The following GPC5 variants were observed in gnomAD, a reference collection of about 807,000 sequenced individuals.
GPC5 encodes the protein glypican 5.
GPC5 carries 47 observed loss-of-function variants against 53.9 expected under a neutral mutation model. The ratio of observed to expected loss-of-function variants is 0.87; its 90% CI spans 0.69 to 1.11. GPC5 has a LOEUF of 1.11. GPC5 is among the 50% of genes most tolerant of loss of function. The probability of loss-of-function intolerance (pLI) is 0.00; values close to 1 mark genes in which losing one functional copy is unlikely to be tolerated. For synonymous variants in GPC5, 286 were observed against 263.3 expected (o/e 1.09, Z -0.84); for missense variants, 748 against 713.1 (o/e 1.05, Z -0.56).
chr13:92,093,495 TG>T (rs1171702166), intron 6 of GPC5, among the ~76,000 whole-genome samples: 1 of 152,180 alleles, frequency 6.6e-6, no homozygotes, highest in East Asian at 1.9e-4. Context: ...GCAAATGTGT[TG>T]GATTTTCTTT....
chr13:92,696,618 T>C (rs879605102), intron 7 of GPC5, among the ~76,000 whole-genome samples: 2 of 152,210 alleles, frequency 1.3e-5, no homozygotes, highest in African/African-American at 4.8e-5. Context: ...GTTGGATAGA[T>C]TGCAAAAATT....
intron 7 of GPC5, among the ~76,000 whole-genome samples, chr13:92,626,499 A>G (rs2139123639): frequency 6.6e-6 from 1 of 152,284 alleles, no homozygotes; most frequent in Admixed American, 6.5e-5. Context: ...ATAGAAAGAG[A>G]TGTCTAAAGA....
intron 7 of GPC5, among the ~76,000 whole-genome samples, chr13:92,396,576 T>C (rs1875287805): frequency 6.6e-6 from 1 of 152,226 alleles, no homozygotes; most frequent in South Asian, 2.1e-4. Context: ...GCGTGCAGCC[T>C]TGTTACATAG....
intron 7 of GPC5, among the ~76,000 whole-genome samples, chr13:92,274,981 T>C (rs1485154291): frequency 6.6e-6 from 1 of 152,090 alleles, no homozygotes; most frequent in East Asian, 1.9e-4. Context: ...AATTCATTAA[T>C]GAATATATGA....
chr13:92,568,360 A>G (rs1300867367), intron 7 of GPC5, among the ~76,000 whole-genome samples: 1 of 152,208 alleles, frequency 6.6e-6, no homozygotes, highest in Non-Finnish European at 1.5e-5. Context: ...TTATTTGCAT[A>G]AAACTAAAAG....
intron 7 of GPC5, among the ~76,000 whole-genome samples, chr13:92,218,235 C>A (rs2042425054): frequency 6.6e-6 from 1 of 152,060 alleles, no homozygotes; most frequent in Non-Finnish European, 1.5e-5. Flanking sequence ...TTATACCAAA[C>A]AGAAATTGAC....
At chr13:92,819,906 T>C (rs183058721) in intron 7 of GPC5, among the ~76,000 whole-genome samples, 1 of 152,290 alleles carries the variant, frequency 6.6e-6, no homozygotes, top group East Asian at 1.9e-4. Context: ...AAAAAAAATA[T>C]TTTTTTCTGA....
intron 7 of GPC5, among the ~76,000 whole-genome samples, chr13:92,361,381 T>G (rs1330782024): frequency 6.6e-6 from 1 of 151,740 alleles, no homozygotes; most frequent in Non-Finnish European, 1.5e-5. Flanking sequence ...TGTCACTGAC[T>G]TGGCCTCCTA....
At chr13:92,338,759 G>A (rs2043342863) in intron 7 of GPC5, among the ~76,000 whole-genome samples, 1 of 152,084 alleles carries the variant, frequency 6.6e-6, no homozygotes, top group Admixed American at 6.6e-5. Flanking sequence ...GAAAGATGGA[G>A]CACAGATGAT....
chr13:91,760,582 A>G (rs2037389380), intron 5 of GPC5, among the ~76,000 whole-genome samples: 1 of 152,174 alleles, frequency 6.6e-6, no homozygotes, highest in Non-Finnish European at 1.5e-5. Context: ...TTGGTGGCCA[A>G]GATTAAGTCT....
chr13:92,106,598 T>C (rs1283781125), intron 6 of GPC5, among the ~76,000 whole-genome samples: 1 of 152,068 alleles, frequency 6.6e-6, no homozygotes, highest in African/African-American at 2.4e-5. Flanking sequence ...ATGGAAGAGT[T>C]AACAAGGATA....
intron 5 of GPC5, among the ~76,000 whole-genome samples, chr13:91,840,362 A>C (rs2038771091): frequency 6.6e-6 from 1 of 152,108 alleles, no homozygotes. Flanking sequence ...TGAATTAATG[A>C]AAGTATATGT....
At chr13:92,119,606 G>T (rs2041631849) in intron 6 of GPC5, among the ~76,000 whole-genome samples, 1 of 107,718 alleles carries the variant, frequency 9.3e-6, no homozygotes, top group Non-Finnish European at 1.8e-5. Flanking sequence ...ATTTTTAGTA[G>T]AGACGGGGTT....
chr13:91,479,870 A>G (rs889139642), intron 2 of GPC5, among the ~76,000 whole-genome samples: 1 of 152,174 alleles, frequency 6.6e-6, no homozygotes, highest in African/African-American at 2.4e-5. Flanking sequence ...TTTCCGTGGC[A>G]CTTAATATTC....
chr13:92,386,084 G>A (rs557256123), intron 7 of GPC5, among the ~76,000 whole-genome samples: 1 of 151,954 alleles, frequency 6.6e-6, no homozygotes, highest in Non-Finnish European at 1.5e-5. Flanking sequence ...AACCTAGCAA[G>A]ACATAGTTTC....
At chr13:92,097,267 C>A (rs998679086) in intron 6 of GPC5, among the ~76,000 whole-genome samples, 1 of 152,116 alleles carries the variant, frequency 6.6e-6, no homozygotes, top group Admixed American at 6.5e-5. Flanking sequence ...TGTTGAAGGT[C>A]CAGCCTTGTT....
At chr13:92,546,156 C>T (rs1298717759) in intron 7 of GPC5, among the ~76,000 whole-genome samples, 1 of 152,104 alleles carries the variant, frequency 6.6e-6, no homozygotes. Flanking sequence ...GTTGGAAGTT[C>T]TGGCCAGGGC....
chr13:91,738,202 A>T lies in GPC5; in HGVS notation c.1154+9537A>T, dbSNP rs1026329879. Among the ~76,000 whole-genome samples, 10 of 151,486 alleles carry T rather than the reference A, an allele frequency of 6.6e-5. 2 individuals carry two copies. Among genetic ancestry groups the T allele is most frequent in the African/African-American group, 2.5e-4 (10 of 40,784 alleles). ...CTTTACTAAGGAAAATTTTCTTTAT[A>T]GATGTAAACTTCTTTTACAAAAGAG... On this transcript the variant is annotated intron_variant, in intron 4 of 7. Coordinates refer to ENST00000377067, the MANE Select transcript of GPC5 (RefSeq NM_004466.6).
intron 6 of GPC5, among the ~76,000 whole-genome samples, chr13:92,072,740 A>AT (rs2041223341): frequency 6.6e-6 from 1 of 151,002 alleles, no homozygotes; most frequent in South Asian, 2.1e-4. Flanking sequence ...CACCCAGTTA[A>AT]TTTTTTTATT....
Sources: allele counts gnomAD v4.1 joint callset (sites outside exome capture counted in the v4.1 genomes callset), GRCh38; gene constraint gnomAD v4.1.1; transcripts MANE v1.5; gene names NCBI Gene and HGNC (gene_info 2026-07-23, HGNC 2026-07-21).